The following FHIT variants were observed in gnomAD, a reference collection of about 807,000 sequenced individuals.
FHIT encodes the protein fragile histidine triad diadenosine triphosphatase.
FHIT carries 19 observed loss-of-function variants against 17.9 expected under a neutral mutation model. The observed-to-expected ratio is 1.06, with a 90% CI of 0.74 to 1.56. The LOEUF (loss-of-function observed/expected upper bound fraction) is 1.56. Ranked by LOEUF, FHIT falls within the 40% of genes most tolerant of loss-of-function variation. The probability of loss-of-function intolerance (pLI) is 0.00; values close to 1 mark genes in which losing one functional copy is unlikely to be tolerated. For synonymous variants in FHIT, 81 were observed against 69.7 expected, an observed-to-expected ratio of 1.16 and a Z score of -0.81; for missense variants, 248 against 189.2, an observed-to-expected ratio of 1.31 and a Z score of -1.82.
intron 8 of FHIT, among the ~76,000 whole-genome samples, chr3:59,779,685 T>G (rs939933574): frequency 1.3e-5 from 2 of 151,972 alleles, no homozygotes; most frequent in African/African-American, 4.8e-5. Flanking sequence ...GCATACGAGG[T>G]TATCAGGAAA....
At chr3:60,521,499 G>A (rs921894662) in intron 5 of FHIT, among the ~76,000 whole-genome samples, 24 of 151,978 alleles carry the variant, frequency 1.6e-4, no homozygotes, top group Admixed American at 3.3e-4. Context: ...CGCCCACCTC[G>A]GCCTCCCAAA....
chr3:60,108,607 T>C (rs1365369384), intron 5 of FHIT, among the ~76,000 whole-genome samples: 1 of 152,012 alleles, frequency 6.6e-6, no homozygotes, highest in Non-Finnish European at 1.5e-5. Context: ...CAGATCATGC[T>C]AAAATTATAC....
rs138100025 is a variant in FHIT at position 60,441,983 on chromosome 3, C to A, written c.103+94877G>T. ...AAGTAATCCTCCTGCCTTAGTCTTT[C>A]ATATACCTGGGACTACAGGTGCATG... On this transcript the variant is annotated intron_variant, in intron 5 of 9. Transcript: ENST00000492590. 2.1e-3 allele frequency among the ~76,000 whole-genome samples: 322 copies of A among 150,224 alleles called. 3 individuals are homozygous for A. Among genetic ancestry groups the A allele is most frequent in the African/African-American group, 7.6e-3 (312 of 40,968 alleles).
intron 5 of FHIT, among the ~76,000 whole-genome samples, chr3:60,185,154 G>A (rs1288982928): frequency 2.0e-5 from 3 of 152,068 alleles, no homozygotes; most frequent in East Asian, 3.8e-4. Flanking sequence ...TTGCTCCCAC[G>A]GTTTATTCGT....
intron 8 of FHIT, among the ~76,000 whole-genome samples, chr3:59,819,755 G>A (rs558742441): frequency 3.3e-5 from 5 of 152,228 alleles, no homozygotes; most frequent in South Asian, 2.1e-4. Flanking sequence ...TGGATGCTAC[G>A]GTCTGAATGT....
chr3:59,764,727 C>T (rs1279282100), intron 8 of FHIT, among the ~76,000 whole-genome samples: 1 of 151,046 alleles, frequency 6.6e-6, no homozygotes, highest in Non-Finnish European at 1.5e-5. Context: ...ATTTCAAATG[C>T]TTTTTTTTTT....
chr3:59,854,504 G>A (rs1702072868), intron 8 of FHIT, among the ~76,000 whole-genome samples: 1 of 152,114 alleles, frequency 6.6e-6, no homozygotes, highest in East Asian at 1.9e-4. Context: ...TTGTCTTAGG[G>A]AATCCAGGTG....
rs1378583615 is a variant in FHIT, at chr3:60,942,830, T to A, written c.-111+99217A>T. Reference sequence around the variant, plus strand: ...TCCTTCCGTTTCTAACGTATACATTTATGAGTCTATAAATTTCCCTCTATA... The same window carrying A: ...TCCTTCCGTTTCTAACGTATACATTAATGAGTCTATAAATTTCCCTCTATA... On this transcript the variant is annotated intron_variant, in intron 3 of 9. Coordinates refer to ENST00000492590, the MANE Select transcript of FHIT (RefSeq NM_002012.4). 2.0e-5 allele frequency among the ~76,000 whole-genome samples: 3 copies of A among 152,182 alleles called. No individual in the cohort carries two copies. The East Asian group carries it at 5.8e-4, about 29-fold the overall frequency.
rs77678966 is a variant in FHIT, at chr3:60,040,531, G to C, written c.104-26379C>G. Among the ~76,000 whole-genome samples, 9 of 152,216 alleles carry C rather than the reference G, an allele frequency of 5.9e-5. No individual in the cohort carries two copies. The East Asian group carries it at 1.5e-3, about 26-fold the overall frequency. Reference sequence around the variant, plus strand: ...AAACAGAGCCATAATACATTCATTTGTGAATCTCCCCTGTCCTCCTCACAC... The same window carrying C: ...AAACAGAGCCATAATACATTCATTTCTGAATCTCCCCTGTCCTCCTCACAC... On this transcript the variant is annotated intron_variant, in intron 5 of 9. Transcript: ENST00000492590.
intron 8 of FHIT, among the ~76,000 whole-genome samples, chr3:59,767,687 A>G (rs1701872219): frequency 6.6e-6 from 1 of 152,128 alleles, no homozygotes; most frequent in African/African-American, 2.4e-5. Flanking sequence ...CTGCCTGGCA[A>G]TGTGCTCAGT....
At chr3:61,015,591 C>T (rs2107633972) in intron 3 of FHIT, among the ~76,000 whole-genome samples, 1 of 152,292 alleles carries the variant, frequency 6.6e-6, no homozygotes. Flanking sequence ...AGCAAATCAG[C>T]ACTCTGGAAC....
intron 2 of FHIT, among the ~76,000 whole-genome samples, chr3:61,178,015 T>C (rs1397488878): frequency 6.6e-6 from 1 of 152,186 alleles, no homozygotes; most frequent in Non-Finnish European, 1.5e-5. Flanking sequence ...GGTGTTTAAA[T>C]GAGTCTGTGC....
intron 8 of FHIT, among the ~76,000 whole-genome samples, chr3:59,819,495 T>C (rs777090468): frequency 6.6e-6 from 1 of 152,228 alleles, no homozygotes; most frequent in African/African-American, 2.4e-5. Flanking sequence ...AGAAATTATT[T>C]GTATAGGAAA....
At chr3:59,990,383 A>G (rs949219545) in intron 7 of FHIT, among the ~76,000 whole-genome samples, 2 of 152,052 alleles carry the variant, frequency 1.3e-5, no homozygotes, top group Admixed American at 6.6e-5. Context: ...TTGCTGGTTC[A>G]TTTAAATCAG....
chr3:60,253,212 A>C (rs1333287843), intron 5 of FHIT, among the ~76,000 whole-genome samples: 1 of 152,152 alleles, frequency 6.6e-6, no homozygotes, highest in East Asian at 1.9e-4. Context: ...TAATTAATAC[A>C]TTTTTACTTA....
chr3:60,802,945 C>T (rs1701244620), intron 4 of FHIT, among the ~76,000 whole-genome samples: 2 of 152,128 alleles, frequency 1.3e-5, no homozygotes. Context: ...TGCCTATGTA[C>T]AAGGCTGCTC....
chr3:59,968,303 G>A (rs1163875864), intron 7 of FHIT, among the ~76,000 whole-genome samples: 1 of 152,072 alleles, frequency 6.6e-6, no homozygotes, highest in Non-Finnish European at 1.5e-5. Flanking sequence ...AATATGAACT[G>A]TAGATTTTTG....
Position 60,177,998 on chromosome 3 carries a change from C to T in FHIT, c.104-163846G>A, listed in dbSNP as rs1398540554. On this transcript the variant is annotated intron_variant, in intron 5 of 9. Transcript: ENST00000492590. ...TGTGACTCAATGCTGAGAGTCCTAG[C>T]TACGGGAAAGTGAGACAAGATTGGT... Among the ~76,000 whole-genome samples, 3 of 152,142 alleles carry T rather than the reference C, an allele frequency of 2.0e-5. No homozygotes were observed. In the East Asian group the frequency reaches 5.8e-4, roughly 29 times the overall value.
In FHIT at chr3:60,860,828, CATATGTACATATATCAGG is replaced by C. The variant is rs1703749993; in HGVS notation, c.-110-38835_-110-38818del. Among the ~76,000 whole-genome samples, 2 of 5,490 alleles carry C rather than the reference CATATGTACATATATCAGG, an allele frequency of 3.6e-4. 1 individual carries two copies. Among genetic ancestry groups the C allele is most frequent in the Non-Finnish European group, 0.022 (2 of 90 alleles). 3.6% of individuals were successfully genotyped at this position (5,490 alleles called of 152,430 possible). ...ACATATATATCAGGTATATATGATA[CATATGTACATATATCAGG>C]TATATATGAACATATGTACATATAT... On this transcript the variant is annotated intron_variant, in intron 3 of 9. Coordinates refer to ENST00000492590, the MANE Select transcript of FHIT (RefSeq NM_002012.4).
Sources: allele counts gnomAD v4.1 joint callset (sites outside exome capture counted in the v4.1 genomes callset), GRCh38; gene constraint gnomAD v4.1.1; transcripts MANE v1.5; gene names NCBI Gene and HGNC (gene_info 2026-07-23, HGNC 2026-07-21).